The following TTBK2 variants were observed in gnomAD, a reference collection of about 807,000 sequenced individuals.
TTBK2 encodes the protein tau tubulin kinase 2, also known as tau-tubulin kinase 2.
Under a neutral mutation model 110.8 loss-of-function variants are expected in TTBK2, and 28 were observed. The ratio of observed to expected loss-of-function variants is 0.25; its 90% CI spans 0.19 to 0.35. TTBK2 has a LOEUF of 0.35. TTBK2 is among the 10% of genes least tolerant of loss of function. The pLI is 1.00. For missense variants in TTBK2, 1,369 were observed against 1,500.3 expected, an observed-to-expected ratio of 0.91 and a Z score of 1.45; for synonymous variants, 532 against 527.3, an observed-to-expected ratio of 1.01 and a Z score of -0.12.
chr15:42,757,272 A>T (rs1258656652), intron 13 of TTBK2, among the ~76,000 whole-genome samples: 2 of 120,712 alleles, frequency 1.7e-5, no homozygotes, highest in African/African-American at 4.5e-5. Flanking sequence ...ACACCAGCTA[A>T]TTAAAAAAAA....
chr15:42,874,345 C>G (rs1894729019), intron 2 of TTBK2, among the ~76,000 whole-genome samples: 1 of 150,718 alleles, frequency 6.6e-6, no homozygotes, highest in Non-Finnish European at 1.5e-5. Context: ...AGTTGGTAGT[C>G]TCACACTGTT....
At chr15:42,750,115 A>G (rs968215824) in intron 14 of TTBK2, among the ~76,000 whole-genome samples, 4 of 152,156 alleles carry the variant, frequency 2.6e-5, no homozygotes, top group African/African-American at 9.7e-5. Flanking sequence ...AACAACCCAC[A>G]GCAAATCCCG....
intron 6 of TTBK2, among the ~76,000 whole-genome samples, chr15:42,817,937 A>G (rs1433463029): frequency 6.6e-6 from 1 of 152,108 alleles, no homozygotes; most frequent in Non-Finnish European, 1.5e-5. Flanking sequence ...TTCCTTAATC[A>G]TCCTAATCTA....
At chr15:42,848,493 C>CTT (rs773939473) in intron 3 of TTBK2, among the ~76,000 whole-genome samples, 2 of 143,754 alleles carry the variant, frequency 1.4e-5, no homozygotes, top group Non-Finnish European at 3.1e-5. Flanking sequence ...TATACATATA[C>CTT]TTTTTTTTTT....
rs548237953 is a variant in TTBK2, at chr15:42,890,744, G to T, written c.-67-12060C>A. On this transcript the variant is annotated intron_variant, in intron 1 of 14. Transcript: ENST00000267890. ...AGCTTCAGGATGGGGGCTGTCACCT[G>T]AAAGCATATGACTACATGACTAGAA... Among the ~76,000 whole-genome samples, 227 of 152,260 alleles carry T rather than the reference G, an allele frequency of 1.5e-3. 2 individuals carry two copies. Among genetic ancestry groups the T allele is most frequent in the Non-Finnish European group, 6.0e-4 (41 of 68,018 alleles).
At chr15:42,863,375 T>A (rs535286108) in intron 3 of TTBK2, among the ~76,000 whole-genome samples, 1 of 151,898 alleles carries the variant, frequency 6.6e-6, no homozygotes, top group Admixed American at 6.5e-5. Flanking sequence ...AGCCAGGAGG[T>A]AAAAGATCTC....
At chr15:42,757,866 GATCTCA>G (rs1004747673) in intron 13 of TTBK2, among the ~76,000 whole-genome samples, 16 of 152,188 alleles carry the variant, frequency 1.1e-4, no homozygotes, top group Admixed American at 3.9e-4. Context: ...ATTAGAAAAG[GATCTCA>G]ATATTTTCCA....
At chr15:42,903,317 T>C (rs1288203725) in intron 1 of TTBK2, among the ~76,000 whole-genome samples, 4 of 152,152 alleles carry the variant, frequency 2.6e-5, no homozygotes, top group Non-Finnish European at 5.9e-5. Context: ...AGTTTCCATT[T>C]AGAAAAATGA....
At chr15:42,865,496 G>C (rs1026675604) in intron 3 of TTBK2, among the ~76,000 whole-genome samples, 24 of 128,776 alleles carry the variant, frequency 1.9e-4, no homozygotes, top group African/African-American at 7.9e-4. Context: ...AAGAATGGAA[G>C]ACAAAAATAA....
chr15:42,888,410 C>T (rs775384427), intron 1 of TTBK2, among the ~76,000 whole-genome samples: 1 of 152,026 alleles, frequency 6.6e-6, no homozygotes, highest in Non-Finnish European at 1.5e-5. Context: ...CACTCCATTT[C>T]CCCATATTTC....
intron 3 of TTBK2, among the ~76,000 whole-genome samples, chr15:42,866,875 T>C (rs1567067715): frequency 6.6e-6 from 1 of 152,088 alleles, no homozygotes; most frequent in African/African-American, 2.4e-5. Context: ...AATAAAAACA[T>C]AACATCAAAA....
chr15:42,880,927 A>G (rs770176136), intron 1 of TTBK2, among the ~76,000 whole-genome samples: 62 of 152,160 alleles, frequency 4.1e-4, no homozygotes, highest in Non-Finnish European at 8.1e-4. Context: ...AAAATTAAAA[A>G]AAAAATAAAA....
At chr15:42,909,035 A>G (rs1596049114) in intron 1 of TTBK2, among the ~76,000 whole-genome samples, 1 of 152,254 alleles carries the variant, frequency 6.6e-6, no homozygotes, top group Non-Finnish European at 1.5e-5. Flanking sequence ...CTGTGCTTCT[A>G]CTGGGCTAAA....
At chr15:42,841,335 G>A (rs887848616) in intron 3 of TTBK2, among the ~76,000 whole-genome samples, 3 of 151,816 alleles carry the variant, frequency 2.0e-5, no homozygotes, top group Admixed American at 6.6e-5. Flanking sequence ...TCAGCCTCCC[G>A]AGTAGCTGGG....
intron 13 of TTBK2, among the ~76,000 whole-genome samples, chr15:42,769,941 T>C (rs1248637372): frequency 3.9e-5 from 6 of 152,174 alleles, no homozygotes; most frequent in Admixed American, 6.5e-5. Flanking sequence ...GATGAGTTCA[T>C]GTCCTTTGCA....
intron 1 of TTBK2, among the ~76,000 whole-genome samples, chr15:42,895,697 C>T (rs944627768): frequency 7.2e-5 from 11 of 151,940 alleles, no homozygotes; most frequent in African/African-American, 2.2e-4. Flanking sequence ...GCCACCACGC[C>T]CAGCTAATTT....
At chr15:42,802,326 A>C in intron 9 of TTBK2, 1 of 772,580 alleles carries the variant, frequency 1.3e-6, no homozygotes, top group Non-Finnish European at 2.3e-6. Flanking sequence ...CACCAGGCCC[A>C]CTCGTGTAGG....
intron 1 of TTBK2, among the ~76,000 whole-genome samples, chr15:42,902,059 T>C (rs1196298560): frequency 6.6e-6 from 1 of 150,662 alleles, no homozygotes; most frequent in African/African-American, 2.4e-5. Context: ...CTACTAAAAA[T>C]ACAAAAATTA....
chr15:42,859,502 G>A (rs954777378), intron 3 of TTBK2, among the ~76,000 whole-genome samples: 18 of 152,028 alleles, frequency 1.2e-4, no homozygotes, highest in African/African-American at 3.6e-4. Flanking sequence ...AATGGGGTGC[G>A]GGGGGACTAG....
Sources: allele counts gnomAD v4.1 joint callset (sites outside exome capture counted in the v4.1 genomes callset), GRCh38; gene constraint gnomAD v4.1.1; transcripts MANE v1.5; gene names NCBI Gene and HGNC (gene_info 2026-07-23, HGNC 2026-07-21).